The following PIK3C3 variants were observed in gnomAD, a reference collection of about 807,000 sequenced individuals.
The protein encoded by PIK3C3 is phosphatidylinositol 3-kinase catalytic subunit type 3, also known as PI3-kinase type 3.
A neutral mutation model predicts 126.1 loss-of-function variants in PIK3C3; 95 were observed. That is an observed-to-expected ratio of 0.75 (90% CI 0.64 to 0.89). PIK3C3 has a LOEUF of 0.89. PIK3C3 is among the 40% of genes least tolerant of loss of function. The probability of loss-of-function intolerance (pLI) is 0.00; values close to 1 mark genes in which losing one functional copy is unlikely to be tolerated. For missense variants in PIK3C3, 829 were observed against 1,063.2 expected (o/e 0.78, Z 3.06); for synonymous variants, 374 against 360.0 (o/e 1.04, Z -0.44).
chr18:42,029,650 C>T (rs769458240), intron 15 of PIK3C3, among the ~76,000 whole-genome samples: 3 of 142,082 alleles, frequency 2.1e-5, no homozygotes, highest in Non-Finnish European at 4.5e-5. Flanking sequence ...TCAATCAATT[C>T]TCATGCCCCA....
intron 9 of PIK3C3, among the ~76,000 whole-genome samples, chr18:42,000,728 T>C (rs964940496): frequency 1.3e-5 from 2 of 152,144 alleles, no homozygotes; most frequent in Non-Finnish European, 2.9e-5. Context: ...AGTCATGTCT[T>C]ACGTGGATGG....
intron 2 of PIK3C3, among the ~76,000 whole-genome samples, chr18:41,962,036 C>T (rs1598845922): frequency 6.6e-6 from 1 of 152,012 alleles, no homozygotes. Context: ...AGATTTTCTA[C>T]TTTGAGTTTT....
intron 19 of PIK3C3, among the ~76,000 whole-genome samples, chr18:42,042,365 G>A (rs1166045087): frequency 6.6e-6 from 1 of 152,102 alleles, no homozygotes; most frequent in African/African-American, 2.4e-5. Flanking sequence ...CTGTGTATCC[G>A]TTCTCTGTAA....
intron 4 of PIK3C3, among the ~76,000 whole-genome samples, chr18:41,974,449 G>A (rs1980816740): frequency 6.6e-6 from 1 of 152,112 alleles, no homozygotes; most frequent in African/African-American, 2.4e-5. Context: ...ATGAAAAAAG[G>A]AAACATAATC....
At chr18:41,989,955 T>C (rs904377131) in intron 5 of PIK3C3, among the ~76,000 whole-genome samples, 2 of 152,194 alleles carry the variant, frequency 1.3e-5, no homozygotes, top group Admixed American at 6.6e-5. Context: ...CATTTATAAA[T>C]TGCGAAAAAC....
intron 24 of PIK3C3, among the ~76,000 whole-genome samples, chr18:42,073,546 T>G (rs1160400067): frequency 6.6e-6 from 1 of 152,160 alleles, no homozygotes; most frequent in Non-Finnish European, 1.5e-5. Flanking sequence ...ATCCCAAAAT[T>G]GAAAATTCTG....
intron 4 of PIK3C3, among the ~76,000 whole-genome samples, chr18:41,975,575 A>G (rs1568117438): frequency 6.6e-6 from 1 of 152,032 alleles, no homozygotes; most frequent in Non-Finnish European, 1.5e-5. Flanking sequence ...AGGACACCGT[A>G]TTTCAAGATA....
chr18:42,004,750 A>G (rs1982461263), intron 10 of PIK3C3, among the ~76,000 whole-genome samples: 1 of 152,194 alleles, frequency 6.6e-6, no homozygotes, highest in African/African-American at 2.4e-5. Context: ...ATGAAAATTT[A>G]CTTCCTGATC....
intron 9 of PIK3C3, among the ~76,000 whole-genome samples, chr18:41,997,926 G>GC (rs1982107280): frequency 6.6e-6 from 1 of 152,160 alleles, no homozygotes; most frequent in Non-Finnish European, 1.5e-5. Flanking sequence ...TAGAGGAAGA[G>GC]CAGAGAAGCA....
At chr18:42,046,854 G>A (rs1374468103) in intron 20 of PIK3C3, among the ~76,000 whole-genome samples, 1 of 151,902 alleles carries the variant, frequency 6.6e-6, no homozygotes, top group Non-Finnish European at 1.5e-5. Context: ...ATTAAATATG[G>A]CCATATGTTG....
intron 3 of PIK3C3, among the ~76,000 whole-genome samples, chr18:41,969,824 G>A (rs1330263078): frequency 6.6e-6 from 1 of 152,176 alleles, no homozygotes; most frequent in Admixed American, 6.5e-5. Context: ...GGAAACCGAG[G>A]TACAGAGAGG....
At chr18:42,012,526 A>C (rs955853366) in intron 10 of PIK3C3, among the ~76,000 whole-genome samples, 15 of 152,210 alleles carry the variant, frequency 9.9e-5, no homozygotes, top group Admixed American at 6.5e-5. Context: ...TACATTTAAA[A>C]ATTTTTTGAG....
rs1430096712 is a variant in PIK3C3, at chr18:41,957,598, A to C, written c.97A>C (p.Lys33Gln). The change falls in exon 2 of 25, where the codon AAG (lysine) becomes CAG (glutamine). Residue 33 changes from lysine (K) to glutamine (Q), a missense_variant. Coordinates refer to ENST00000262039, the MANE Select transcript of PIK3C3 (RefSeq NM_002647.4). The stretch of plus-strand genomic sequence containing the variant: ...AAGCTTGGAAGGGAAGAGAGAACAA[A>C]AGAGTTATAAAGCTGTCCTGGAAGA... ...IGSLEGKREQ[K>Q]SYKAVLEDPM... 6.2e-7 allele frequency: 1 copy of C among 1,610,340 alleles called. No homozygotes were observed.
Position 41,995,900 on chromosome 18 carries a change from T to A in PIK3C3, c.797T>A (p.Val266Asp). 3.7e-6 allele frequency: 6 copies of A among 1,610,750 alleles called. No homozygotes were observed. Among genetic ancestry groups the A allele is most frequent in the Non-Finnish European group, 5.1e-6 (6 of 1,177,286 alleles). Residue 266 changes from valine (V) to aspartate (D), a missense_variant, in exon 8 of 25, where the codon GTT becomes GAT. Physicochemically the swap from Val to Asp is radical, Grantham distance 152. Transcript: ENST00000262039. Reference protein sequence around the residue: ...PDPQMSMENLVESKHHKLARS... With the variant: ...PDPQMSMENLDESKHHKLARS... Reference sequence around the variant, plus strand: ...TAAAATAATTTGTAGGAGAATTTAGTTGAGAGCAAACACCACAAGCTTGCC... The same window carrying A: ...TAAAATAATTTGTAGGAGAATTTAGATGAGAGCAAACACCACAAGCTTGCC...
chr18:41,998,269 A>G (rs1982123147), intron 9 of PIK3C3, among the ~76,000 whole-genome samples: 1 of 152,184 alleles, frequency 6.6e-6, no homozygotes, highest in African/African-American at 2.4e-5. Context: ...AGAAAAGGAA[A>G]TATTCACTAA....
At chr18:42,006,491 C>T (rs1035387241) in intron 10 of PIK3C3, among the ~76,000 whole-genome samples, 11 of 152,090 alleles carry the variant, frequency 7.2e-5, no homozygotes, top group Admixed American at 6.6e-4. Flanking sequence ...GCTTAAAGTC[C>T]CACCCTCTAA....
At chr18:42,058,528 T>C (rs35269653) in intron 22 of PIK3C3, among the ~76,000 whole-genome samples, 5 of 152,194 alleles carry the variant, frequency 3.3e-5, no homozygotes, top group Admixed American at 6.5e-5. Flanking sequence ...ATTTTTATTC[T>C]TTAGCAGCCT....
At chr18:42,034,109 A>T (rs535062123) in intron 16 of PIK3C3, 152 bp downstream of exon 16, 1 of 474,336 alleles carries the variant, frequency 2.1e-6, no homozygotes, top group East Asian at 3.7e-5. Flanking sequence ...CCTTTTATTT[A>T]TCAGTGTGTT....
intron 6 of PIK3C3, among the ~76,000 whole-genome samples, chr18:41,991,108 G>A (rs1214106764): frequency 2.0e-5 from 3 of 152,128 alleles, no homozygotes; most frequent in African/African-American, 7.2e-5. Context: ...TGCCCATTAT[G>A]CTACAGAAAG....
Sources: gnomAD v4.1 joint callset for allele counts (sites outside exome capture counted in the v4.1 genomes callset) on GRCh38, gnomAD v4.1.1 for gene constraint, MANE v1.5 for transcripts, NCBI Gene and HGNC (gene_info 2026-07-23, HGNC 2026-07-21) for gene names.